The following CSMD1 variants were observed in gnomAD, a reference collection of about 807,000 sequenced individuals.
CSMD1 encodes CUB and Sushi multiple domains 1.
Under a neutral mutation model 417.5 loss-of-function variants are expected in CSMD1, and 213 were observed. The ratio of observed to expected loss-of-function variants is 0.51; its 90% CI spans 0.46 to 0.57. CSMD1 has a LOEUF of 0.57. CSMD1 is among the 20% of genes least tolerant of loss of function. The pLI, the probability that CSMD1 is intolerant of heterozygous loss-of-function variation, is 0.00. For synonymous variants in CSMD1, 2,862 were observed against 1,736.8 expected, an observed-to-expected ratio of 1.65 and a Z score of -16.11; for missense variants, 6,923 against 4,529.7, an observed-to-expected ratio of 1.53 and a Z score of -15.17.
intron 18 of CSMD1, among the ~76,000 whole-genome samples, chr8:3,377,030 A>G (rs1810350172): frequency 6.6e-6 from 1 of 152,194 alleles, no homozygotes; most frequent in Non-Finnish European, 1.5e-5. Flanking sequence ...CTTTGTGGAG[A>G]CAGAGTCTTG....
chr8:4,433,669 T>A (rs1797994373), intron 2 of CSMD1, among the ~76,000 whole-genome samples: 1 of 152,198 alleles, frequency 6.6e-6, no homozygotes, highest in African/African-American at 2.4e-5. Flanking sequence ...AGCTACACTC[T>A]CCCACTTGCA....
At chr8:3,257,772 A>G (rs1051964185) in intron 26 of CSMD1, among the ~76,000 whole-genome samples, 1 of 152,064 alleles carries the variant, frequency 6.6e-6, no homozygotes, top group Non-Finnish European at 1.5e-5. Flanking sequence ...GGGGTGGATG[A>G]TGAGGCTTCC....
chr8:4,926,427 A>C (rs767875171), intron 1 of CSMD1, among the ~76,000 whole-genome samples: 64 of 152,280 alleles, frequency 4.2e-4, no homozygotes, highest in Admixed American at 1.2e-3. Context: ...TAATTCTCTC[A>C]CACTTAATAC....
chr8:3,788,508 T>C lies in CSMD1; in HGVS notation c.819-34466A>G, dbSNP rs1051713366. On this transcript the variant is annotated intron_variant, in intron 5 of 69. Coordinates refer to ENST00000635120, the MANE Select transcript of CSMD1 (RefSeq NM_033225.6). ...TCCTACTTAAGAACTTCAGGATCAATAGTTTCCTTCATCTCACCTCAGATA... is the reference window on the plus strand; with the variant it reads ...TCCTACTTAAGAACTTCAGGATCAACAGTTTCCTTCATCTCACCTCAGATA... Among the ~76,000 whole-genome samples the C allele has an allele frequency of 2.9e-4, 44 of 152,290 alleles. 1 individual carries two copies. The highest frequency in any genetic ancestry group is 1.0e-3 in the African/African-American group (43 of 41,568).
intron 25 of CSMD1, among the ~76,000 whole-genome samples, chr8:3,298,196 G>A (rs1201579360): frequency 4.6e-5 from 7 of 152,082 alleles, no homozygotes; most frequent in African/African-American, 1.7e-4. Flanking sequence ...ACTGTGGAAG[G>A]TAGGATTCAC....
At chr8:3,680,597 C>G (rs1264251504) in intron 7 of CSMD1, among the ~76,000 whole-genome samples, 1 of 152,200 alleles carries the variant, frequency 6.6e-6, no homozygotes, top group Admixed American at 6.5e-5. Context: ...CAGCCGATTT[C>G]TATCAGACGT....
intron 5 of CSMD1, among the ~76,000 whole-genome samples, chr8:3,773,262 T>C (rs1008562308): frequency 2.0e-5 from 3 of 152,150 alleles, no homozygotes; most frequent in Admixed American, 2.0e-4. Context: ...AGATTCTCCA[T>C]GCATAATTTG....
Position 3,230,159 on chromosome 8 carries a change from G to C in CSMD1, c.4226C>G (p.Ala1409Gly). The stretch of plus-strand genomic sequence containing the variant: ...ACACTGGAATGTGACGGTGTCTCCA[G>C]CCTCTCTGCTGTCTCCATAGCGGGT... Reference protein sequence around the residue: ...NGTRYGDSREAGDTVTFQCDP... With the variant: ...NGTRYGDSREGGDTVTFQCDP... Residue 1409 changes from alanine (A) to glycine (G), a missense_variant, in exon 27 of 70, where the codon GCT (alanine) becomes GGT (glycine). Transcript: ENST00000635120. 2 of 1,613,648 alleles carry C rather than the reference G, an allele frequency of 1.2e-6. No individual in the cohort carries two copies. Among genetic ancestry groups the C allele is most frequent in the South Asian group, 1.1e-5 (1 of 91,064 alleles).
At chr8:4,303,680 T>C (rs4574867) in intron 3 of CSMD1, among the ~76,000 whole-genome samples, 7 of 151,832 alleles carry the variant, frequency 4.6e-5, no homozygotes, top group African/African-American at 1.7e-4. Flanking sequence ...TTTTGAGATG[T>C]AGTCTTGCTC....
At chr8:4,961,269 C>G (rs190286787) in intron 1 of CSMD1, among the ~76,000 whole-genome samples, 3 of 152,190 alleles carry the variant, frequency 2.0e-5, no homozygotes, top group Admixed American at 2.0e-4. Context: ...AATATTTTAT[C>G]CCATCAAACG....
At position 4,078,660 on chromosome 8, in the gene CSMD1, T is replaced by G. The variant is rs200423154; in HGVS notation, c.416-46561A>C. Among the ~76,000 whole-genome samples, 5 of 151,506 alleles carry G rather than the reference T, an allele frequency of 3.3e-5. No homozygotes were observed. The East Asian group carries it at 9.7e-4, about 29-fold the overall frequency. On this transcript the variant is annotated intron_variant, in intron 3 of 69. Coordinates refer to ENST00000635120, the MANE Select transcript of CSMD1 (RefSeq NM_033225.6). The stretch of plus-strand genomic sequence containing the variant: ...TTCACATGTATTTCTAACTATCCTT[T>G]TGAGAAAAAACTTGCTGTATTCTTG...
intron 3 of CSMD1, among the ~76,000 whole-genome samples, chr8:4,058,852 A>G (rs1269796741): frequency 6.6e-6 from 1 of 151,754 alleles, no homozygotes; most frequent in Non-Finnish European, 1.5e-5. Flanking sequence ...GGGAGACTTT[A>G]ACACACCACT....
chr8:3,442,114 A>G (rs765788895), intron 12 of CSMD1, among the ~76,000 whole-genome samples: 106 of 152,220 alleles, frequency 7.0e-4, no homozygotes, highest in Middle Eastern at 6.8e-3. Flanking sequence ...ATGTTTACAG[A>G]AGAAGACTAT....
chr8:4,406,221 A>G (rs1396606894), intron 3 of CSMD1, among the ~76,000 whole-genome samples: 1 of 152,182 alleles, frequency 6.6e-6, no homozygotes, highest in African/African-American at 2.4e-5. Context: ...AATGTGCTCC[A>G]AAGTCCCCCC....
rs80228593 is a variant in CSMD1, at chr8:3,891,044, T to TG, written c.818+106858_818+106859insC. ...ATAATTGAGCAGCTTTTTTGTTTTT[T>TG]TTTTGTTTTATTTTATTATTTTGAG... On this transcript the variant is annotated intron_variant, in intron 5 of 69. Coordinates refer to ENST00000635120, the MANE Select transcript of CSMD1 (RefSeq NM_033225.6). 6.0e-4 allele frequency among the ~76,000 whole-genome samples: 92 copies of TG among 152,148 alleles called. No homozygotes were observed. In the Middle Eastern group the frequency reaches 0.01, roughly 17 times the overall value.
intron 23 of CSMD1, among the ~76,000 whole-genome samples, chr8:3,314,625 C>G (rs377457934): frequency 1.3e-5 from 2 of 152,150 alleles, no homozygotes; most frequent in African/African-American, 4.8e-5. Flanking sequence ...CAAAGCACAG[C>G]CAAAATACTA....
At chr8:4,405,716 T>G (rs974264453) in intron 3 of CSMD1, among the ~76,000 whole-genome samples, 11 of 152,222 alleles carry the variant, frequency 7.2e-5, no homozygotes, top group African/African-American at 2.7e-4. Flanking sequence ...TTGCTTCTTA[T>G]GAAACCATCT....
chr8:4,171,131 A>T (rs1714758), intron 3 of CSMD1, among the ~76,000 whole-genome samples: 151,721 of 151,880 alleles, frequency 1, 75,785 homozygotes, highest in Middle Eastern at 1. Flanking sequence ...AAGGTGAGGT[A>T]TCCATGCTCC....
chr8:4,702,891 T>A (rs542067822), intron 1 of CSMD1, among the ~76,000 whole-genome samples: 1 of 152,324 alleles, frequency 6.6e-6, no homozygotes, highest in East Asian at 1.9e-4. Flanking sequence ...TCTAAAAAGT[T>A]AATTATGAAT....
Sources: allele counts gnomAD v4.1 joint callset (sites outside exome capture counted in the v4.1 genomes callset), GRCh38; gene constraint gnomAD v4.1.1; transcripts MANE v1.5; gene names NCBI Gene and HGNC (gene_info 2026-07-23, HGNC 2026-07-21).